Variants in CREB5 observed in about 807,000 individuals in gnomAD.
CREB5 encodes cyclic AMP-responsive element-binding protein 5.
Under a neutral mutation model 57.1 loss-of-function variants are expected in CREB5, and 19 were observed. The ratio of observed to expected loss-of-function variants is 0.33; its 90% CI spans 0.23 to 0.49. The LOEUF (loss-of-function observed/expected upper bound fraction) is 0.49, where lower values mean the gene tolerates loss of function less well. Ranked by LOEUF, CREB5 falls within the 20% of genes least tolerant of loss-of-function variation. The pLI is 0.99. For missense variants in CREB5, 579 were observed against 671.6 expected (o/e 0.86, Z 1.52); for synonymous variants, 238 against 238.3 (o/e 1.00, Z 0.01).
At chr7:28,510,665 T>C (rs1374335942) in intron 4 of CREB5, among the ~76,000 whole-genome samples, 1 of 152,204 alleles carries the variant, frequency 6.6e-6, no homozygotes, top group Non-Finnish European at 1.5e-5. Flanking sequence ...CCAGCATCCT[T>C]TTCCAGAAGC....
At chr7:28,364,065 C>T (rs184731895) in intron 1 of CREB5, among the ~76,000 whole-genome samples, 164 of 152,276 alleles carry the variant, frequency 1.1e-3, no homozygotes, top group African/African-American at 3.6e-3. Flanking sequence ...TAAACATTTA[C>T]CTAATTGCTT....
intron 7 of CREB5, among the ~76,000 whole-genome samples, chr7:28,799,504 G>A (rs1228921678): frequency 2.0e-5 from 3 of 152,140 alleles, no homozygotes; most frequent in Non-Finnish European, 4.4e-5. Context: ...ATAGACTTGA[G>A]GCAATCAAGT....
intron 1 of CREB5, among the ~76,000 whole-genome samples, chr7:28,424,195 T>G (rs1048130809): frequency 3.9e-5 from 6 of 152,202 alleles, no homozygotes; most frequent in African/African-American, 1.4e-4. Context: ...CATTTTAACT[T>G]AATTACCTCT....
chr7:28,421,962 A>AG (rs1009444619), intron 1 of CREB5, among the ~76,000 whole-genome samples: 4 of 2,646 alleles, frequency 1.5e-3, no homozygotes, highest in Admixed American at 0.015. Flanking sequence ...GAGATCAACG[A>AG]AAAAGTCAGG....
chr7:28,634,298 GAC>G, intron 5 of CREB5, among the ~76,000 whole-genome samples: 1 of 152,224 alleles, frequency 6.6e-6, no homozygotes, highest in East Asian at 1.9e-4. Context: ...TTCCCTTTCA[GAC>G]CAGTTGAACA....
intron 3 of CREB5, among the ~76,000 whole-genome samples, chr7:28,495,760 T>C (rs1792013612): frequency 6.6e-6 from 1 of 152,190 alleles, no homozygotes. Context: ...AAAGGTGCTA[T>C]GCAACTTTGG....
At chr7:28,365,352 T>C (rs188310397) in intron 1 of CREB5, among the ~76,000 whole-genome samples, 31 of 152,356 alleles carry the variant, frequency 2.0e-4, no homozygotes, top group African/African-American at 7.5e-4. Context: ...ATGGAAGGTA[T>C]GTTCATCCTT....
intron 1 of CREB5, among the ~76,000 whole-genome samples, chr7:28,370,443 A>G (rs986670515): frequency 6.6e-6 from 1 of 152,326 alleles, no homozygotes; most frequent in Middle Eastern, 3.4e-3. Flanking sequence ...GGTGTTTGGG[A>G]GGATAAAAGT....
At chr7:28,764,358 G>GC (rs1805836276) in intron 7 of CREB5, among the ~76,000 whole-genome samples, 1 of 75,976 alleles carries the variant, frequency 1.3e-5, no homozygotes, top group Non-Finnish European at 3.2e-5. Context: ...TAATTCTCCT[G>GC]TAAAAAAAAA....
At chr7:28,372,658 T>C (rs533393685) in intron 1 of CREB5, among the ~76,000 whole-genome samples, 32 of 152,364 alleles carry the variant, frequency 2.1e-4, no homozygotes, top group Admixed American at 8.5e-4. Flanking sequence ...TAAAGCTCTT[T>C]GAATAAATCA....
At chr7:28,739,962 C>G (rs947003670) in intron 7 of CREB5, among the ~76,000 whole-genome samples, 1 of 152,110 alleles carries the variant, frequency 6.6e-6, no homozygotes, top group Non-Finnish European at 1.5e-5. Context: ...CTCATTCGGC[C>G]GTGCCAACTT....
chr7:28,732,783 A>G (rs1473817752), intron 7 of CREB5, among the ~76,000 whole-genome samples: 3 of 138,094 alleles, frequency 2.2e-5, no homozygotes, highest in Non-Finnish European at 4.6e-5. Flanking sequence ...CTTGATAGGG[A>G]TGGAAGGTGG....
rs1375617016 is a variant in CREB5 at position 28,394,108 on chromosome 7, T to G, written c.-25+94667T>G. On this transcript the variant is annotated intron_variant, in intron 1 of 9. Transcript: ENST00000396299. Reference sequence around the variant, plus strand: ...AAAAAAAAAAAAAAAAAAAAAAAAGTGGACTTGGATTGGTTGTAAATGTAT... The same window carrying G: ...AAAAAAAAAAAAAAAAAAAAAAAAGGGGACTTGGATTGGTTGTAAATGTAT... 6.6e-3 allele frequency among the ~76,000 whole-genome samples: 518 copies of G among 78,602 alleles called. 4 individuals carry two copies. The highest frequency in any genetic ancestry group is 0.028 in the African/African-American group (481 of 17,162). 51.6% of individuals were successfully genotyped at this position (78,602 alleles called of 152,430 possible).
chr7:28,320,814 A>G (rs1785482889), intron 1 of CREB5, among the ~76,000 whole-genome samples: 1 of 152,238 alleles, frequency 6.6e-6, no homozygotes, highest in African/African-American at 2.4e-5. Context: ...AAGTTAAGAA[A>G]ATTTTATGAG....
chr7:28,682,314 A>T (rs1264725655), intron 5 of CREB5, among the ~76,000 whole-genome samples: 1 of 152,172 alleles, frequency 6.6e-6, no homozygotes, highest in Non-Finnish European at 1.5e-5. Context: ...GCGGCCCCTC[A>T]TCCTCTGTCC....
rs1791579411 is a variant in CREB5, at chr7:28,486,910, G to A, written c.4-1265G>A. ...GCTTGAGTTCAGGAGTTTGAGACCAGCCTGGCAATACAGCAAGACTTTGTC... is the reference window on the plus strand; with the variant it reads ...GCTTGAGTTCAGGAGTTTGAGACCAACCTGGCAATACAGCAAGACTTTGTC... On this transcript the variant is annotated intron_variant, in intron 1 of 10. Transcript: ENST00000357727. 2.0e-5 allele frequency among the ~76,000 whole-genome samples: 3 copies of A among 151,562 alleles called. No homozygotes were observed. The South Asian group carries it at 6.3e-4, about 32-fold the overall frequency.
intron 4 of CREB5, among the ~76,000 whole-genome samples, chr7:28,509,719 A>C (rs2128608036): frequency 6.6e-6 from 1 of 152,348 alleles, no homozygotes; most frequent in East Asian, 1.9e-4. Context: ...TAAGCAACCA[A>C]AGTAAGAAAA....
intron 1 of CREB5, among the ~76,000 whole-genome samples, chr7:28,377,597 C>T (rs952410962): frequency 6.6e-6 from 1 of 151,846 alleles, no homozygotes; most frequent in African/African-American, 2.4e-5. Flanking sequence ...GTAGACTTCT[C>T]AGGTTCTTTT....
chr7:28,777,056 T>C (rs1806698389), intron 7 of CREB5, among the ~76,000 whole-genome samples: 2 of 152,242 alleles, frequency 1.3e-5, no homozygotes, highest in Non-Finnish European at 2.9e-5. Flanking sequence ...CTTTTGGGTA[T>C]ATGCCTAGGA....
Sources: allele counts gnomAD v4.1 joint callset (sites outside exome capture counted in the v4.1 genomes callset), GRCh38; gene constraint gnomAD v4.1.1; transcripts MANE v1.5; gene names NCBI Gene and HGNC (gene_info 2026-07-23, HGNC 2026-07-21).